Variants in ZNF609 observed in about 807,000 individuals in gnomAD.
ZNF609 encodes the protein zinc finger protein 609.
In ZNF609, 11 loss-of-function variants were observed where a neutral mutation model predicts 109.5. The ratio of observed to expected loss-of-function variants is 0.10; its 90% confidence interval spans 0.06 to 0.17. The LOEUF is 0.17. ZNF609 is among the 10% of genes least tolerant of loss of function. ZNF609 has a pLI of 1.00. For synonymous variants in ZNF609, 646 were observed against 662.0 expected (o/e 0.98, Z 0.37); for missense variants, 1,559 against 1,772.4 (o/e 0.88, Z 2.16).
chr15:64,622,169 A>G (rs1895886359), intron 2 of ZNF609, among the ~76,000 whole-genome samples: 1 of 152,194 alleles, frequency 6.6e-6, no homozygotes, highest in South Asian at 2.1e-4. Flanking sequence ...CATTCTCATT[A>G]AACAACCACT....
At chr15:64,549,724 A>T (rs1346389511) in intron 2 of ZNF609, among the ~76,000 whole-genome samples, 1 of 152,158 alleles carries the variant, frequency 6.6e-6, no homozygotes, top group Non-Finnish European at 1.5e-5. Context: ...CACAAATAAC[A>T]TAAAATTTAC....
At chr15:64,528,564 G>A in intron 2 of ZNF609, 1 of 594,016 alleles carries the variant, frequency 1.7e-6, no homozygotes, top group Non-Finnish European at 3.1e-6. Context: ...CTGTGAGGAG[G>A]GGAGATTCAG....
intron 3 of ZNF609, among the ~76,000 whole-genome samples, chr15:64,628,812 A>G (rs976435139): frequency 1.3e-5 from 2 of 151,884 alleles, no homozygotes; most frequent in African/African-American, 4.8e-5. Context: ...TTCAGTAGAG[A>G]TGGGGTTTTT....
intron 1 of ZNF609, among the ~76,000 whole-genome samples, chr15:64,484,863 A>G (rs1268590724): frequency 2.8e-4 from 39 of 140,782 alleles, no homozygotes; most frequent in East Asian, 1.2e-3. Context: ...AGTCCCAGCT[A>G]TTCAGGAGGC....
rs199558342 is a variant in ZNF609 at position 64,482,376 on chromosome 15, GTTTT to G, written c.-127-16910_-127-16907del. Among the ~76,000 whole-genome samples, 4 of 148,398 alleles carry G rather than the reference GTTTT, an allele frequency of 2.7e-5. No individual in the cohort carries two copies. In the East Asian group the frequency reaches 7.8e-4, roughly 29 times the overall value. ...AACATTTATTTAATATTTCCTATAC[GTTTT>G]TTTTTTCTGGCTGCCTAGGCTTTTC... On this transcript the variant is annotated intron_variant, in intron 1 of 9. Transcript: ENST00000326648.
intron 2 of ZNF609, 21 bp from the exon 3 acceptor site, chr15:64,622,806 T>C: frequency 1.2e-6 from 2 of 1,604,884 alleles, no homozygotes; most frequent in Non-Finnish European, 1.7e-6. Flanking sequence ...ACTCAGCTAC[T>C]ACTTTTTCTT....
At chr15:64,578,815 A>G (rs973083939) in intron 2 of ZNF609, among the ~76,000 whole-genome samples, 3 of 152,324 alleles carry the variant, frequency 2.0e-5, no homozygotes, top group Middle Eastern at 3.4e-3. Flanking sequence ...CCTCAGCAAC[A>G]TGGCGAAATC....
intron 2 of ZNF609, among the ~76,000 whole-genome samples, chr15:64,541,041 A>AC (rs1567009386): frequency 1.3e-5 from 2 of 150,206 alleles, no homozygotes; most frequent in African/African-American, 4.9e-5. Flanking sequence ...AAAAAAAAAA[A>AC]AAAAAACTTT....
At chr15:64,591,994 C>T (rs1400653727) in intron 2 of ZNF609, among the ~76,000 whole-genome samples, 52 of 151,984 alleles carry the variant, frequency 3.4e-4, no homozygotes, top group Admixed American at 3.4e-3. Context: ...CGAGTGTCAG[C>T]CACCACACCC....
rs1893538290 is a variant in ZNF609 at position 64,500,004 on chromosome 15, T to C, written c.585T>C (p.Gly195=). The change falls in exon 2 of 10, where the codon GGT becomes GGC. Residue 195 remains glycine (G), a synonymous_variant. Coordinates refer to ENST00000326648, the MANE Select transcript of ZNF609 (RefSeq NM_015042.2). Reference sequence around the variant, plus strand: ...AGCCAGTTCCCTTGGGAGGACGGGGTGGTCAGTATGATGGAAGTGCAGGGG... The same window carrying C: ...AGCCAGTTCCCTTGGGAGGACGGGGCGGTCAGTATGATGGAAGTGCAGGGG... ...VLQPVPLGGR[G]GQYDGSAGVD... is the part of the protein sequence containing the mutation. 6.8e-6 allele frequency: 11 copies of C among 1,613,692 alleles called. No individual in the cohort carries two copies. The South Asian group carries it at 9.9e-5, about 14-fold the overall frequency.
Position 64,666,048 on chromosome 15 carries a change from C to G in ZNF609, c.974-4298C>G, listed in dbSNP as rs554266042. ...AGGGATTGCGCCACTGCACTCCACC[C>G]TGGGCAACAGAGCAAGACTTCGTCT... On this transcript the variant is annotated intron_variant, in intron 3 of 9. Coordinates refer to ENST00000326648, the MANE Select transcript of ZNF609 (RefSeq NM_015042.2). 2.8e-5 allele frequency among the ~76,000 whole-genome samples: 4 copies of G among 142,406 alleles called. 1 individual carries two copies. In the South Asian group the frequency reaches 8.9e-4, roughly 32 times the overall value. 93.4% of individuals were successfully genotyped at this position (142,406 alleles called of 152,430 possible).
chr15:64,531,289 G>A (rs551455616), intron 2 of ZNF609, among the ~76,000 whole-genome samples: 88 of 152,272 alleles, frequency 5.8e-4, no homozygotes, highest in African/African-American at 2.1e-3. Context: ...ATTAATGTCA[G>A]TTATCAGCTG....
At chr15:64,600,386 G>C (rs545438096) in intron 2 of ZNF609, among the ~76,000 whole-genome samples, 1 of 147,790 alleles carries the variant, frequency 6.8e-6, no homozygotes, top group South Asian at 2.1e-4. Flanking sequence ...GGAGTCGGAG[G>C]TTGCAGTGAG....
chr15:64,554,969 G>A (rs140153581), intron 2 of ZNF609, among the ~76,000 whole-genome samples: 122 of 151,832 alleles, frequency 8.0e-4, no homozygotes, highest in African/African-American at 2.7e-3. Context: ...AGTGATGTGC[G>A]CCTGTAATTC....
chr15:64,584,466 C>G (rs1359890726), intron 2 of ZNF609, among the ~76,000 whole-genome samples: 1 of 151,700 alleles, frequency 6.6e-6, no homozygotes, highest in Non-Finnish European at 1.5e-5. Context: ...ATCCCTGGCT[C>G]ATTTTTGTAT....
At chr15:64,615,167 C>T (rs1199659249) in intron 2 of ZNF609, among the ~76,000 whole-genome samples, 1 of 151,476 alleles carries the variant, frequency 6.6e-6, no homozygotes, top group East Asian at 1.9e-4. Flanking sequence ...ATTCTATTGC[C>T]CAGGCTAGAG....
At chr15:64,489,217 ACT>A (rs1189155603) in intron 1 of ZNF609, among the ~76,000 whole-genome samples, 2 of 148,782 alleles carry the variant, frequency 1.3e-5, no homozygotes, top group African/African-American at 5.0e-5. Flanking sequence ...ATGGAGTCTC[ACT>A]CTCTCTCCCA....
At chr15:64,598,156 C>A (rs140881530) in intron 2 of ZNF609, among the ~76,000 whole-genome samples, 3 of 152,156 alleles carry the variant, frequency 2.0e-5, no homozygotes, top group African/African-American at 7.2e-5. Context: ...GCTCTGTCAC[C>A]CAGGCTGGAG....
chr15:64,464,031 C>T (rs1892977604), intron 1 of ZNF609, among the ~76,000 whole-genome samples: 1 of 151,628 alleles, frequency 6.6e-6, no homozygotes, highest in African/African-American at 2.4e-5. Context: ...GCTTTGGATT[C>T]CCCCCCAACT....
Sources: gnomAD v4.1 joint callset for allele counts (sites outside exome capture counted in the v4.1 genomes callset) on GRCh38, gnomAD v4.1.1 for gene constraint, MANE v1.5 for transcripts, NCBI Gene and HGNC (gene_info 2026-07-23, HGNC 2026-07-21) for gene names.